CREB5: variants seen among roughly 807,000 people sequenced by gnomAD.
The protein encoded by CREB5 is cyclic AMP-responsive element-binding protein 5.
In CREB5, 19 loss-of-function variants were observed where a neutral mutation model predicts 57.1. The ratio of observed to expected loss-of-function variants is 0.33; its 90% CI spans 0.23 to 0.49. The LOEUF is 0.49. Among genes scored for constraint, CREB5 ranks in the 20% least tolerant of loss-of-function variants. The probability of loss-of-function intolerance (pLI) is 0.99; values close to 1 mark genes in which losing one functional copy is unlikely to be tolerated. For missense variants in CREB5, 579 were observed against 671.6 expected, an observed-to-expected ratio of 0.86 and a Z score of 1.52; for synonymous variants, 238 against 238.3, an observed-to-expected ratio of 1.00 and a Z score of 0.01.
chr7:28,783,374 G>C (rs1206836647), intron 7 of CREB5, among the ~76,000 whole-genome samples: 1 of 151,942 alleles, frequency 6.6e-6, no homozygotes, highest in Non-Finnish European at 1.5e-5. Context: ...TGTCCACAAT[G>C]TCACTTATTC....
chr7:28,803,851 G>A (rs1049627443), intron 7 of CREB5, among the ~76,000 whole-genome samples: 2 of 151,628 alleles, frequency 1.3e-5, no homozygotes, highest in Admixed American at 6.6e-5. Flanking sequence ...GCTCTTTGGT[G>A]TATGCTTGCA....
chr7:28,782,075 C>T (rs66539057), intron 7 of CREB5, among the ~76,000 whole-genome samples: 53,597 of 151,034 alleles, frequency 0.35, 9,970 homozygotes, highest in African/African-American at 0.48. Context: ...CCAGGCAATC[C>T]CCAACAATGT....
chr7:28,481,458 T>A (rs887767680), intron 1 of CREB5, among the ~76,000 whole-genome samples: 1 of 152,226 alleles, frequency 6.6e-6, no homozygotes, highest in Non-Finnish European at 1.5e-5. Context: ...CACACCCTCT[T>A]CACGCCAAGT....
intron 4 of CREB5, among the ~76,000 whole-genome samples, chr7:28,541,918 A>G (rs1351908484): frequency 1.3e-5 from 2 of 152,190 alleles, no homozygotes; most frequent in African/African-American, 4.8e-5. Context: ...TATCCTGACC[A>G]TTCTCTCTTG....
chr7:28,403,248 G>C (rs1400992682), intron 1 of CREB5, among the ~76,000 whole-genome samples: 3 of 152,080 alleles, frequency 2.0e-5, no homozygotes, highest in Non-Finnish European at 4.4e-5. Context: ...ACTGGACTCA[G>C]GGCCAGTTGG....
chr7:28,334,572 G>A (rs1028327901), intron 1 of CREB5, among the ~76,000 whole-genome samples: 3 of 152,160 alleles, frequency 2.0e-5, no homozygotes, highest in African/African-American at 7.2e-5. Context: ...AGAGTTGCTT[G>A]AGCTCCTTAT....
intron 1 of CREB5, among the ~76,000 whole-genome samples, chr7:28,449,753 A>G (rs1235896515): frequency 6.6e-6 from 1 of 152,234 alleles, no homozygotes; most frequent in Non-Finnish European, 1.5e-5. Flanking sequence ...TCAAAGAAGA[A>G]TATTCCTAAC....
chr7:28,590,187 C>A (rs1183252510), intron 5 of CREB5, among the ~76,000 whole-genome samples: 1 of 151,998 alleles, frequency 6.6e-6, no homozygotes, highest in East Asian at 1.9e-4. Flanking sequence ...GGTATATACC[C>A]AAAGGACTAT....
rs556929505 is a variant in CREB5 at position 28,535,892 on chromosome 7, A to G, written c.291+28155A>G. On this transcript the variant is annotated intron_variant, in intron 4 of 10. Coordinates refer to ENST00000357727, the MANE Select transcript of CREB5 (RefSeq NM_182898.4). ...AAAGCCTACATGGTAGAACTTGGTT[A>G]TGTTCTTCAGGTTTCCAATCTAAAA... Among the ~76,000 whole-genome samples the G allele has an allele frequency of 2.0e-3, 305 of 152,264 alleles. 1 individual carries two copies. Among genetic ancestry groups the G allele is most frequent in the Middle Eastern group, 0.01 (3 of 294 alleles).
intron 1 of CREB5, among the ~76,000 whole-genome samples, chr7:28,303,261 G>T (rs1785131348): frequency 6.6e-6 from 1 of 152,180 alleles, no homozygotes; most frequent in Admixed American, 6.6e-5. Context: ...ATTGGTTCTG[G>T]ACTGCCCCAA....
intron 1 of CREB5, among the ~76,000 whole-genome samples, chr7:28,388,524 C>A (rs974715084): frequency 6.6e-6 from 1 of 152,162 alleles, no homozygotes; most frequent in Non-Finnish European, 1.5e-5. Context: ...TATTTGTTTA[C>A]CCTTCCTTTC....
chr7:28,399,837 T>G (rs1452038026), intron 1 of CREB5, among the ~76,000 whole-genome samples: 1 of 151,598 alleles, frequency 6.6e-6, no homozygotes, highest in Non-Finnish European at 1.5e-5. Flanking sequence ...GGTTGATCAA[T>G]TGAGGTCAGG....
intron 4 of CREB5, among the ~76,000 whole-genome samples, chr7:28,539,112 A>G (rs761930961): frequency 2.0e-5 from 3 of 152,216 alleles, no homozygotes; most frequent in African/African-American, 4.8e-5. Flanking sequence ...CTTAATCTCT[A>G]CATGTCTCAG....
chr7:28,642,960 ACACACACACACACACACACACACACAT>A (rs1798719395), intron 5 of CREB5, among the ~76,000 whole-genome samples: 1 of 87,618 alleles, frequency 1.1e-5, no homozygotes, highest in Non-Finnish European at 2.3e-5. Context: ...TTACACACAC[ACACACACACACACACACACACACACAT>A]ACACACACAC....
At chr7:28,534,292 G>A (rs184798263) in intron 4 of CREB5, among the ~76,000 whole-genome samples, 2 of 152,298 alleles carry the variant, frequency 1.3e-5, no homozygotes, top group African/African-American at 2.4e-5. Flanking sequence ...TGAGTAGGAT[G>A]AGGAGGCCCT....
At chr7:28,510,187 C>T (rs534124417) in intron 4 of CREB5, among the ~76,000 whole-genome samples, 7 of 152,368 alleles carry the variant, frequency 4.6e-5, no homozygotes, top group African/African-American at 1.4e-4. Context: ...CAGCTGTCAA[C>T]ATCCTTGGCA....
intron 5 of CREB5, chr7:28,686,060 G>A (rs1230870021): frequency 1.0e-5 from 15 of 1,465,526 alleles, no homozygotes; most frequent in South Asian, 5.8e-5. Context: ...TTACATCATC[G>A]CTTGGCCTGG....
intron 4 of CREB5, among the ~76,000 whole-genome samples, chr7:28,520,786 G>C (rs577351899): frequency 2.0e-5 from 3 of 152,126 alleles, no homozygotes; most frequent in African/African-American, 7.2e-5. Context: ...CAGTGTACAG[G>C]GTTGGGTAAT....
chr7:28,357,947 T>C (rs1786380233), intron 1 of CREB5, among the ~76,000 whole-genome samples: 1 of 152,136 alleles, frequency 6.6e-6, no homozygotes. Flanking sequence ...TTTAAACTCA[T>C]ATCATTGGAT....
Sources: allele counts gnomAD v4.1 joint callset (sites outside exome capture counted in the v4.1 genomes callset), GRCh38; gene constraint gnomAD v4.1.1; transcripts MANE v1.5; gene names NCBI Gene and HGNC (gene_info 2026-07-23, HGNC 2026-07-21).